The following CNTN4 variants were observed in gnomAD, a reference collection of about 807,000 sequenced individuals.
The protein encoded by CNTN4 is contactin-4.
A neutral mutation model predicts 122.5 loss-of-function variants in CNTN4; 77 were observed. The observed-to-expected ratio is 0.63, with a 90% CI of 0.52 to 0.76. CNTN4 has a LOEUF of 0.76. Among genes scored for constraint, CNTN4 ranks in the 30% least tolerant of loss-of-function variants. CNTN4 has a pLI of 0.00. For synonymous variants in CNTN4, 512 were observed against 447.0 expected, an observed-to-expected ratio of 1.15 and a Z score of -1.83; for missense variants, 1,256 against 1,259.1, an observed-to-expected ratio of 1.00 and a Z score of 0.04.
intron 20 of CNTN4, among the ~76,000 whole-genome samples, chr3:3,040,754 C>A (rs1271974381): frequency 6.6e-6 from 1 of 152,112 alleles, no homozygotes; most frequent in East Asian, 1.9e-4. Flanking sequence ...ATGGAGAAAA[C>A]CCATCTCTAC....
Position 2,746,100 on chromosome 3 carries a change from C to A in CNTN4, c.358+403C>A, listed in dbSNP as rs1242221100. On this transcript the variant is annotated intron_variant, in intron 6 of 24. Transcript: ENST00000418658. ...TGAACAAATTTTACACACACACACA[C>A]ACACACACACATTTTAAATAGAATG... Among the ~76,000 whole-genome samples the A allele has an allele frequency of 8.6e-5, 13 of 150,774 alleles. 1 individual carries two copies. Among genetic ancestry groups the A allele is most frequent in the African/African-American group, 3.2e-4 (13 of 40,072 alleles).
chr3:2,397,119 G>A (rs183573251), intron 3 of CNTN4, among the ~76,000 whole-genome samples: 95 of 152,296 alleles, frequency 6.2e-4, no homozygotes, highest in Non-Finnish European at 9.3e-4. Flanking sequence ...CTGCCTGAAA[G>A]TAAAGCTTTG....
At chr3:2,152,378 C>T (rs1017776655) in intron 2 of CNTN4, among the ~76,000 whole-genome samples, 14 of 152,094 alleles carry the variant, frequency 9.2e-5, no homozygotes, top group South Asian at 2.1e-4. Context: ...TTGATTGAAA[C>T]GAGGTGCCGT....
intron 6 of CNTN4, among the ~76,000 whole-genome samples, chr3:2,801,358 C>G (rs1330884977): frequency 2.0e-5 from 3 of 152,188 alleles, no homozygotes; most frequent in Non-Finnish European, 4.4e-5. Context: ...CTTCAGCTCA[C>G]TCAAGCTGTG....
intron 4 of CNTN4, among the ~76,000 whole-genome samples, chr3:2,706,266 C>T (rs914848363): frequency 1.3e-5 from 2 of 151,728 alleles, no homozygotes; most frequent in Admixed American, 1.3e-4. Context: ...TGGTTTATGC[C>T]CAACACTATG....
At chr3:2,580,914 C>A (rs780656775) in intron 4 of CNTN4, among the ~76,000 whole-genome samples, 4 of 152,154 alleles carry the variant, frequency 2.6e-5, no homozygotes, top group African/African-American at 4.8e-5. Flanking sequence ...TCCAAGGCAG[C>A]ATTTAAATTT....
At chr3:2,531,961 C>T (rs886478221) in intron 3 of CNTN4, among the ~76,000 whole-genome samples, 4 of 152,148 alleles carry the variant, frequency 2.6e-5, no homozygotes, top group African/African-American at 9.6e-5. Flanking sequence ...AGAATTACAA[C>T]TGAGCCAGCA....
intron 4 of CNTN4, among the ~76,000 whole-genome samples, chr3:2,633,591 A>G (rs189975365): frequency 1.3e-5 from 2 of 152,356 alleles, no homozygotes; most frequent in Non-Finnish European, 2.9e-5. Context: ...GGATATTTCT[A>G]AAGACATCTT....
chr3:3,028,496 A>G (rs562302867), intron 15 of CNTN4, among the ~76,000 whole-genome samples: 1 of 152,294 alleles, frequency 6.6e-6, no homozygotes, highest in Admixed American at 6.5e-5. Flanking sequence ...TCGCAAAATC[A>G]AAATTTTCTA....
At chr3:2,360,942 G>C (rs2045108424) in intron 3 of CNTN4, among the ~76,000 whole-genome samples, 1 of 152,102 alleles carries the variant, frequency 6.6e-6, no homozygotes. Flanking sequence ...GAGTGGTGTG[G>C]GGTTCAGGAT....
rs1222037882 is a variant in CNTN4, at chr3:2,385,843, G to A, written c.-89+46610G>A. Among the ~76,000 whole-genome samples the A allele has an allele frequency of 6.6e-6, 1 of 151,956 alleles. No homozygotes were observed. The highest frequency in any genetic ancestry group is 2.1e-4 in the South Asian group (1 of 4,806). ...TAAGGTCACATTCACACGTACCAGG[G>A]GTCAAGACTTCAACACATCTTTTTA... On this transcript the variant is annotated intron_variant, in intron 3 of 24. Coordinates refer to ENST00000418658, the MANE Select transcript of CNTN4 (RefSeq NM_175607.3). This position sits in a 1 kb window ranked among gnomAD's most constrained non-coding sequence, Gnocchi z 4.0.
chr3:2,880,105 G>A (rs1298601354), intron 8 of CNTN4, among the ~76,000 whole-genome samples: 2 of 152,182 alleles, frequency 1.3e-5, no homozygotes, highest in South Asian at 2.1e-4. Context: ...CGTTGCCAGT[G>A]ATATTTTAGT....
chr3:2,258,310 A>C (rs867443664), intron 2 of CNTN4, among the ~76,000 whole-genome samples: 1 of 152,174 alleles, frequency 6.6e-6, no homozygotes, highest in Non-Finnish European at 1.5e-5. Flanking sequence ...TTATTGCAGC[A>C]CTGTTTGCAA....
intron 2 of CNTN4, among the ~76,000 whole-genome samples, chr3:2,255,167 G>C (rs989187165): frequency 2.0e-5 from 3 of 152,078 alleles, no homozygotes; most frequent in East Asian, 1.9e-4. Context: ...GCTTGTTTTT[G>C]TCAGGTTAGT....
intron 7 of CNTN4, among the ~76,000 whole-genome samples, chr3:2,844,566 A>C (rs1039113860): frequency 2.0e-5 from 3 of 152,194 alleles, no homozygotes; most frequent in Non-Finnish European, 2.9e-5. Flanking sequence ...TATGTAATTG[A>C]GGGACACCTA....
At chr3:3,016,257 T>C (rs3907592) in intron 14 of CNTN4, among the ~76,000 whole-genome samples, 95,126 of 152,000 alleles carry the variant, frequency 0.63, 30,188 homozygotes, top group Middle Eastern at 0.72. Flanking sequence ...TCATTTCTTT[T>C]GAATCGTAAA....
intron 3 of CNTN4, among the ~76,000 whole-genome samples, chr3:2,403,876 G>C (rs1430033533): frequency 6.6e-6 from 1 of 152,114 alleles, no homozygotes; most frequent in Non-Finnish European, 1.5e-5. Context: ...AATTCTTTCT[G>C]CTCTATCATT....
chr3:2,521,080 T>A lies in CNTN4; in HGVS notation c.-88-50336T>A, dbSNP rs185793028. ...GCGCCTTGTCCCTATTTTCACTACT[T>A]CTTCTTGCTCTGTTGGCTGTTTTGC... On this transcript the variant is annotated intron_variant, in intron 3 of 24. Coordinates refer to ENST00000418658, the MANE Select transcript of CNTN4 (RefSeq NM_175607.3). Among the ~76,000 whole-genome samples the A allele has an allele frequency of 2.0e-4, 30 of 152,110 alleles. 2 individuals are homozygous for A. Among genetic ancestry groups the A allele is most frequent in the Admixed American group, 7.2e-4 (11 of 15,260 alleles).
intron 2 of CNTN4, among the ~76,000 whole-genome samples, chr3:2,287,839 A>G (rs1230812969): frequency 6.6e-6 from 1 of 152,102 alleles, no homozygotes; most frequent in East Asian, 1.9e-4. Context: ...GGCTGATCTG[A>G]TTGACTTTGT....
Sources: gnomAD v4.1 joint callset for allele counts (sites outside exome capture counted in the v4.1 genomes callset) on GRCh38, gnomAD v4.1.1 for gene constraint, Gnocchi (gnomAD v3.1) non-coding constraint, MANE v1.5 for transcripts, NCBI Gene and HGNC (gene_info 2026-07-23, HGNC 2026-07-21) for gene names.